ASPH: variants seen among roughly 807,000 people sequenced by gnomAD.
ASPH encodes aspartate beta-hydroxylase, also known as aspartyl/asparaginyl beta-hydroxylase.
ASPH carries 100 observed loss-of-function variants against 118.4 expected under a neutral mutation model. That is an observed-to-expected ratio of 0.84 (90% CI 0.72 to 1.00). ASPH has a LOEUF of 1.00. Among genes scored for constraint, ASPH ranks in the 50% least tolerant of loss-of-function variants. The pLI, the probability that ASPH is intolerant of heterozygous loss-of-function variation, is 0.00. For synonymous variants in ASPH, 315 were observed against 325.6 expected (o/e 0.97, Z 0.35); for missense variants, 920 against 919.5 (o/e 1.00, Z -0.01).
chr8:61,690,247 A>G (rs1832235772), intron 1 of ASPH, among the ~76,000 whole-genome samples: 1 of 152,226 alleles, frequency 6.6e-6, no homozygotes, highest in Non-Finnish European at 1.5e-5. Flanking sequence ...ATACATAGTA[A>G]GAAATTAATC....
chr8:61,669,651 T>C lies in ASPH; in HGVS notation c.322+11317A>G, dbSNP rs1821418383. On this transcript the variant is annotated intron_variant, in intron 3 of 24. Transcript: ENST00000379454. ...TACCCACTTTTAAATATGAGTAGTATCTAAGGTGTAAAACACATTAGCATA... is the reference window on the plus strand; with the variant it reads ...TACCCACTTTTAAATATGAGTAGTACCTAAGGTGTAAAACACATTAGCATA... Among the ~76,000 whole-genome samples, 4 of 152,328 alleles carry C rather than the reference T, an allele frequency of 2.6e-5. No individual in the cohort carries two copies. In the South Asian group the frequency reaches 8.3e-4, roughly 32 times the overall value.
intron 6 of ASPH, 110 bp from the exon 7 acceptor site, chr8:61,644,742 T>A: frequency 1.3e-6 from 1 of 775,274 alleles, no homozygotes; most frequent in Non-Finnish European, 1.9e-6. Flanking sequence ...TTTAAAAAAT[T>A]AAAAAATGGG....
In ASPH at chr8:61,500,903, A is replaced by AC. The variant is rs1804766396; in HGVS notation, c.*2455dup. The AC allele has an allele frequency of 6.6e-6, 1 of 152,126 alleles. No individual in the cohort carries two copies. The highest frequency in any genetic ancestry group is 2.1e-4 in the South Asian group (1 of 4,822). The allele number at this position is 152,126 out of a possible 1,614,324, so 9.4% of individuals were successfully genotyped here. A position where few individuals can be genotyped will look rare whatever the true frequency, so the allele number is the denominator to read the frequency against. ...AGAGATTATTCAACTGGTCATAATC[A>AC]CCCCTGATAATATTATTACTAATCT... On this transcript the variant is annotated 3_prime_UTR_variant, in exon 25 of 25. Coordinates refer to ENST00000379454, the MANE Select transcript of ASPH (RefSeq NM_004318.4).
At chr8:61,643,304 G>T in intron 9 of ASPH, 82 bp downstream of exon 9, 2 of 1,399,062 alleles carry the variant, frequency 1.4e-6, no homozygotes, top group Non-Finnish European at 1.9e-6. Flanking sequence ...GCCTTTAAAA[G>T]AAAAATCACC....
At chr8:61,527,519 T>C (rs1815846996) in intron 21 of ASPH, among the ~76,000 whole-genome samples, 1 of 152,162 alleles carries the variant, frequency 6.6e-6, no homozygotes, top group African/African-American at 2.4e-5. Context: ...AAGAAAGAGA[T>C]TTTGGTTGAT....
chr8:61,666,246 A>G (rs1819547046), intron 3 of ASPH, among the ~76,000 whole-genome samples: 1 of 152,126 alleles, frequency 6.6e-6, no homozygotes. Context: ...TTCCCTGTTA[A>G]TTCATGTAGA....
At chr8:61,703,608 C>T (rs1835788112) in intron 1 of ASPH, among the ~76,000 whole-genome samples, 1 of 151,754 alleles carries the variant, frequency 6.6e-6, no homozygotes, top group South Asian at 2.1e-4. Context: ...AAAAAAAAGG[C>T]AGAAAGAAAC....
chr8:61,706,358 G>A (rs982750381), intron 1 of ASPH, among the ~76,000 whole-genome samples: 3 of 128,968 alleles, frequency 2.3e-5, no homozygotes, highest in African/African-American at 5.9e-5. Context: ...GGGAAGTCAA[G>A]GCTGCCACAG....
chr8:61,551,754 T>A (rs994784974), intron 20 of ASPH, among the ~76,000 whole-genome samples: 2 of 152,228 alleles, frequency 1.3e-5, no homozygotes, highest in Admixed American at 1.3e-4. Flanking sequence ...CAGTGTTAGA[T>A]GTTGTAGCAA....
intron 14 of ASPH, among the ~76,000 whole-genome samples, chr8:61,614,807 C>T (rs1428329515): frequency 6.6e-6 from 1 of 152,042 alleles, no homozygotes; most frequent in Non-Finnish European, 1.5e-5. Context: ...CATATTTGAC[C>T]TCTCTCACTC....
Position 61,714,487 on chromosome 8 carries a change from G to C in ASPH, c.-116C>G, listed in dbSNP as rs971146863. 8 of 1,328,680 alleles carry C rather than the reference G, an allele frequency of 6.0e-6. No homozygotes were observed. The highest frequency in any genetic ancestry group is 7.6e-5 in the Admixed American group (2 of 26,194). The allele number at this position is 1,328,680 out of a possible 1,614,324, so 82.3% of individuals were successfully genotyped here. A position where few individuals can be genotyped will look rare whatever the true frequency, so the allele number is the denominator to read the frequency against. ...GCCGCTGGAGCGGGTTCGGGCCGCT[G>C]CTCCTGCAGCAGACCCTGTGCCTCA... On this transcript the variant is annotated 5_prime_UTR_variant, in exon 1 of 25. Transcript: ENST00000379454.
chr8:61,525,259 A>G (rs1814846708), intron 22 of ASPH, among the ~76,000 whole-genome samples: 1 of 152,164 alleles, frequency 6.6e-6, no homozygotes, highest in Non-Finnish European at 1.5e-5. Context: ...TTGTTAATCC[A>G]GGCTAACTCC....
chr8:61,675,370 AT>A, intron 3 of ASPH: 13 of 972,006 alleles, frequency 1.3e-5, no homozygotes, highest in Non-Finnish European at 1.6e-5. Flanking sequence ...CTGGATGTAT[AT>A]TTGGAAATAA....
At chr8:61,558,552 G>C (rs1042849685) in intron 18 of ASPH, among the ~76,000 whole-genome samples, 1 of 152,126 alleles carries the variant, frequency 6.6e-6, no homozygotes, top group Non-Finnish European at 1.5e-5. Context: ...TGTGAAACAA[G>C]CTCTGTGGCT....
At chr8:61,682,403 C>G in intron 2 of ASPH, 3 of 1,591,420 alleles carry the variant, frequency 1.9e-6, no homozygotes, top group Non-Finnish European at 2.6e-6. Context: ...TAGAGAGTAA[C>G]ACACGTAGAC....
chr8:61,676,164 T>TTTC lies in ASPH; in HGVS notation c.322+4801_322+4803dup, dbSNP rs573164897. The TTTC allele has an allele frequency of 7.4e-4, 1,180 of 1,599,294 alleles. 5 individuals are homozygous for TTTC. In the African/African-American group the frequency reaches 0.01, roughly 14 times the overall value. ...CCATCAACACCATCTGCGGTTTCGC[T>TTTC]TTCTTCTTCTTCTTCTTCTAGCATT... On this transcript the variant is annotated intron_variant, in intron 3 of 24. Coordinates refer to ENST00000379454, the MANE Select transcript of ASPH (RefSeq NM_004318.4).
intron 3 of ASPH, chr8:61,668,294 T>A (rs987432949): frequency 6.3e-7 from 1 of 1,596,620 alleles, no homozygotes; most frequent in Admixed American, 1.7e-5. Context: ...ATTTACAAGA[T>A]GAAAATAGGT....
chr8:61,607,669 C>T (rs891174961), intron 14 of ASPH, among the ~76,000 whole-genome samples: 5 of 151,790 alleles, frequency 3.3e-5, no homozygotes, highest in South Asian at 2.1e-4. Flanking sequence ...ACCCATGAAT[C>T]GGTCTATGGC....
intron 3 of ASPH, among the ~76,000 whole-genome samples, chr8:61,666,260 ACT>A (rs756604901): frequency 2.0e-5 from 3 of 152,146 alleles, no homozygotes; most frequent in Non-Finnish European, 4.4e-5. Context: ...ATGTAGAGCA[ACT>A]CAAGCTAACA....
Sources: allele counts gnomAD v4.1 joint callset (sites outside exome capture counted in the v4.1 genomes callset), GRCh38; gene constraint gnomAD v4.1.1; transcripts MANE v1.5; gene names NCBI Gene and HGNC (gene_info 2026-07-23, HGNC 2026-07-21).